The following SCRG1 variants were observed in gnomAD, a reference collection of about 807,000 sequenced individuals.
SCRG1 encodes stimulator of chondrogenesis 1.
In SCRG1, 3 loss-of-function variants were observed where a neutral mutation model predicts 7.7. The ratio of observed to expected loss-of-function variants is 0.39; its 90% CI spans 0.18 to 1.01. The LOEUF (loss-of-function observed/expected upper bound fraction) is 1.01, where lower values mean the gene tolerates loss of function less well. Ranked by LOEUF, SCRG1 falls within the 50% of genes least tolerant of loss-of-function variation. SCRG1 has a pLI of 0.36. For missense variants in SCRG1, 110 were observed against 117.2 expected (o/e 0.94, Z 0.28); for synonymous variants, 46 against 41.2 (o/e 1.12, Z -0.44).
the SCRG1 span, among the ~76,000 whole-genome samples, chr4:173,451,109 C>T: frequency 6.6e-6 from 1 of 152,040 alleles, no homozygotes; most frequent in Non-Finnish European, 1.5e-5. Flanking sequence ...CAGCTTTAAG[C>T]TCTCTTTGGT....
At chr4:173,443,110 A>G in the SCRG1 span, among the ~76,000 whole-genome samples, 313 of 152,274 alleles carry the variant, frequency 2.1e-3, no homozygotes, top group African/African-American at 7.1e-3. Flanking sequence ...AGGATTTTCT[A>G]TTCTCTTTAA....
At chr4:173,497,460 C>T in the SCRG1 span, among the ~76,000 whole-genome samples, 1 of 151,986 alleles carries the variant, frequency 6.6e-6, no homozygotes, top group African/African-American at 2.4e-5. Flanking sequence ...CACTACACAT[C>T]CCGGGAAAAC....
upstream of SCRG1, among the ~76,000 whole-genome samples, chr4:173,409,836 G>T (rs755859233): frequency 5.3e-5 from 8 of 151,974 alleles, no homozygotes; most frequent in Non-Finnish European, 7.4e-5. Flanking sequence ...TGATCCGTCC[G>T]CCTCGGCCTC....
chr4:173,430,830 AAGAG>A, the SCRG1 span, among the ~76,000 whole-genome samples: 1 of 120,442 alleles, frequency 8.3e-6, no homozygotes, highest in South Asian at 3.1e-4. Flanking sequence ...AAAAAAAAAA[AAGAG>A]AGAGAGAGAG....
At chr4:173,448,318 G>A in the SCRG1 span, among the ~76,000 whole-genome samples, 3 of 152,332 alleles carry the variant, frequency 2.0e-5, no homozygotes, top group Admixed American at 1.3e-4. Flanking sequence ...TTGTGCTACA[G>A]ACAAACAAAC....
At chr4:173,431,435 T>A in the SCRG1 span, among the ~76,000 whole-genome samples, 1 of 152,172 alleles carries the variant, frequency 6.6e-6, no homozygotes, top group Non-Finnish European at 1.5e-5. Context: ...CCAATGAATT[T>A]AGAAGGTGGA....
the SCRG1 span, among the ~76,000 whole-genome samples, chr4:173,426,554 C>T: frequency 6.8e-3 from 1,033 of 152,352 alleles, 9 homozygotes; most frequent in African/African-American, 0.023. Context: ...GCAGCCTCAA[C>T]TAGGCTCAAG....
the SCRG1 span, among the ~76,000 whole-genome samples, chr4:173,416,761 G>A: frequency 6.6e-6 from 1 of 152,150 alleles, no homozygotes; most frequent in Admixed American, 6.6e-5. Flanking sequence ...AGCGTGCTTG[G>A]TTTGTTTTTG....
the SCRG1 span, among the ~76,000 whole-genome samples, chr4:173,421,679 A>G: frequency 6.6e-6 from 1 of 152,214 alleles, no homozygotes; most frequent in Non-Finnish European, 1.5e-5. Context: ...CATGAGATAA[A>G]TGTAAGATGC....
chr4:173,461,339 C>T, the SCRG1 span, among the ~76,000 whole-genome samples: 204 of 152,288 alleles, frequency 1.3e-3, 1 homozygote, highest in African/African-American at 4.6e-3. Context: ...TGTTACTCCA[C>T]CCCCCAGCTT....
chr4:173,419,276 A>T, the SCRG1 span: 1 of 585,848 alleles, frequency 1.7e-6, no homozygotes, highest in Non-Finnish European at 3.0e-6. Flanking sequence ...CTGAGCTCTG[A>T]GGGAGCTTGC....
At chr4:173,475,955 T>C in the SCRG1 span, among the ~76,000 whole-genome samples, 2 of 152,032 alleles carry the variant, frequency 1.3e-5, no homozygotes, top group Admixed American at 6.5e-5. Flanking sequence ...TAGTGATGAA[T>C]GGATATAGAG....
the SCRG1 span, chr4:173,420,008 A>T: frequency 1.5e-6 from 1 of 675,034 alleles, no homozygotes; most frequent in Non-Finnish European, 2.7e-6. Context: ...GGTGTGTTGT[A>T]TTTATTTTTA....
At chr4:173,469,643 G>A in the SCRG1 span, 2 of 152,140 alleles carry the variant, frequency 1.3e-5, no homozygotes, top group East Asian at 1.9e-4. Flanking sequence ...GGAAAATGCT[G>A]TCTAAAAGAA....
rs1739268818 is a variant in SCRG1 at position 173,387,168 on chromosome 4, TAC to T, written c.*1171_*1172del. 1 of 149,940 alleles carries T rather than the reference TAC, an allele frequency of 6.7e-6. No individual in the cohort carries two copies. The highest frequency in any genetic ancestry group is 1.5e-5 in the Non-Finnish European group (1 of 67,726). 9.3% of individuals were successfully genotyped at this position (149,940 alleles called of 1,614,324 possible). ...AGGAAATGTATCATGGTTTTAAGGA[TAC>T]ATCTGTGTGTGGCATATGGGCTTTG... On this transcript the variant is annotated 3_prime_UTR_variant, in exon 3 of 3. Transcript: ENST00000296506.
the SCRG1 span, among the ~76,000 whole-genome samples, chr4:173,507,771 T>C: frequency 1.3e-5 from 2 of 152,236 alleles, no homozygotes; most frequent in African/African-American, 4.8e-5. The surrounding 1 kb of genome is among the most constrained non-coding windows in gnomAD (Gnocchi z 4.4). Context: ...TCCGGAGCAG[T>C]TGCGGGAGGG....
At chr4:173,510,854 A>C in the SCRG1 span, among the ~76,000 whole-genome samples, 1 of 152,134 alleles carries the variant, frequency 6.6e-6, no homozygotes, top group Non-Finnish European at 1.5e-5. The surrounding 1 kb of genome is among the most constrained non-coding windows in gnomAD (Gnocchi z 5.7). Flanking sequence ...GAGAGCTGCT[A>C]CCCTTTTGGA....
upstream of SCRG1, among the ~76,000 whole-genome samples, chr4:173,407,254 C>A (rs545858985): frequency 1.3e-5 from 2 of 148,882 alleles, no homozygotes; most frequent in African/African-American, 2.5e-5. Context: ...CGGTGGCTCA[C>A]GCTTGTAATC....
chr4:173,483,227 TTATATATAA>T, the SCRG1 span, among the ~76,000 whole-genome samples: 5 of 38,428 alleles, frequency 1.3e-4, no homozygotes, highest in African/African-American at 4.5e-4. Context: ...AATATATATA[TTATATATAA>T]TATATGATAT....
Sources: gnomAD v4.1 joint callset for allele counts (sites outside exome capture counted in the v4.1 genomes callset) on GRCh38, gnomAD v4.1.1 for gene constraint, Gnocchi (gnomAD v3.1) non-coding constraint, MANE v1.5 for transcripts, NCBI Gene and HGNC (gene_info 2026-07-23, HGNC 2026-07-21) for gene names.